Variants in TSEN2 observed in about 807,000 individuals in gnomAD.
The protein encoded by TSEN2 is tRNA-splicing endonuclease subunit Sen2.
Under a neutral mutation model 59.2 loss-of-function variants are expected in TSEN2, and 54 were observed. That is an observed-to-expected ratio of 0.91 (90% CI 0.73 to 1.14). TSEN2 has a LOEUF of 1.14. TSEN2 is among the 50% of genes most tolerant of loss of function. TSEN2 has a pLI of 0.00. For synonymous variants in TSEN2, 195 were observed against 198.2 expected, an observed-to-expected ratio of 0.98 and a Z score of 0.14; for missense variants, 636 against 576.2, an observed-to-expected ratio of 1.10 and a Z score of -1.06.
At chr3:12,531,707 C>A in intron 11 of TSEN2, 48 bp downstream of exon 11, 1 of 1,243,722 alleles carries the variant, frequency 8.0e-7, no homozygotes. Flanking sequence ...TTCTGTGAAT[C>A]ATAGTGTATC....
intron 10 of TSEN2, chr3:12,539,035 A>G (rs111357545): frequency 2.6e-6 from 1 of 378,906 alleles, no homozygotes. Flanking sequence ...GACTCAGAAG[A>G]GCTCCTTTAA....
intron 6 of TSEN2, chr3:12,514,991 T>C (rs939476678): frequency 2.0e-5 from 3 of 152,224 alleles, no homozygotes; most frequent in Non-Finnish European, 4.4e-5. Context: ...TGATTCAGTC[T>C]TGGGCCATCA....
intron 3 of TSEN2, among the ~76,000 whole-genome samples, chr3:12,494,693 G>A (rs932840511): frequency 1.3e-5 from 2 of 149,380 alleles, no homozygotes; most frequent in South Asian, 2.2e-4. Flanking sequence ...GAGCCACTAC[G>A]CCTGACCAAT....
intron 8 of TSEN2, among the ~76,000 whole-genome samples, chr3:12,519,707 T>C (rs760331781): frequency 2.0e-5 from 3 of 151,874 alleles, no homozygotes; most frequent in Non-Finnish European, 4.4e-5. Flanking sequence ...GATCGCGCCA[T>C]TGCACCCCAC....
intron 4 of TSEN2, among the ~76,000 whole-genome samples, chr3:12,498,210 C>T (rs2053945547): frequency 6.6e-6 from 1 of 152,098 alleles, no homozygotes. Flanking sequence ...TGCAAAGACC[C>T]TGTTTCCAGA....
downstream of TSEN2, among the ~76,000 whole-genome samples, chr3:12,538,117 A>G (rs984022207): frequency 1.3e-5 from 2 of 152,240 alleles, no homozygotes; most frequent in Admixed American, 1.3e-4. Context: ...TCGCTATGCC[A>G]TGCATTCTTT....
chr3:12,514,211 A>G (rs2055807818), intron 6 of TSEN2, among the ~76,000 whole-genome samples: 1 of 152,220 alleles, frequency 6.6e-6, no homozygotes, highest in South Asian at 2.1e-4. Flanking sequence ...CTGGAGCAGA[A>G]CATGCCAGAT....
chr3:12,483,649 C>A (rs572849277), upstream of TSEN2, among the ~76,000 whole-genome samples: 2 of 152,352 alleles, frequency 1.3e-5, no homozygotes, highest in South Asian at 4.1e-4. Flanking sequence ...ACATCTAGCA[C>A]CATGAATCTC....
At chr3:12,480,541 T>G (rs1355132965), upstream of TSEN2, among the ~76,000 whole-genome samples, 1 of 144,182 alleles carries the variant, frequency 6.9e-6, no homozygotes, top group Non-Finnish European at 1.5e-5. Context: ...TTTTTTTTTT[T>G]TTTTTTTTTG....
At chr3:12,522,101 A>G (rs762146320) in intron 8 of TSEN2, among the ~76,000 whole-genome samples, 3 of 152,206 alleles carry the variant, frequency 2.0e-5, no homozygotes, top group Non-Finnish European at 2.9e-5. Context: ...TATTGTTATA[A>G]TTGTTCATTT....
At chr3:12,501,597 A>G (rs2054287842) in intron 4 of TSEN2, among the ~76,000 whole-genome samples, 1 of 151,800 alleles carries the variant, frequency 6.6e-6, no homozygotes, top group African/African-American at 2.4e-5. Context: ...CAGTTTGTAA[A>G]CTATGACATA....
At chr3:12,482,559 CT>C (rs2052210169), upstream of TSEN2, among the ~76,000 whole-genome samples, 1 of 145,626 alleles carries the variant, frequency 6.9e-6, no homozygotes, top group South Asian at 2.1e-4. Context: ...GATTTTTTTT[CT>C]TTTTTTAATT....
At chr3:12,496,448 TC>T in intron 3 of TSEN2, 69 bp from the exon 4 acceptor site, 1 of 1,502,976 alleles carries the variant, frequency 6.7e-7, no homozygotes, top group Admixed American at 1.7e-5. Flanking sequence ...TCTCAGTCTT[TC>T]CTAGATTTTT....
Position 12,519,161 on chromosome 3 carries a change from G to T in TSEN2, c.1063G>T (p.Val355Leu), listed in dbSNP as rs368652521. ...AYHYFRSKGW[V>L]PKVGLKYGTD... ...CCATTACTTTCGAAGCAAGGGCTGG[G>T]TGCCCAAAGTGGGACTCAAGTACGG... Residue 355 changes from valine (V) to leucine (L), a missense_variant, in exon 8 of 12, where the codon GTG becomes TTG. Transcript: ENST00000284995. 1.2e-6 allele frequency: 2 copies of T among 1,614,214 alleles called. No homozygotes were observed. Among genetic ancestry groups the T allele is most frequent in the Non-Finnish European group, 1.7e-6 (2 of 1,180,040 alleles).
In TSEN2 at chr3:12,518,890, C is replaced by A. The variant is rs907477459; in HGVS notation, c.961-169C>A. Among the ~76,000 whole-genome samples, 4 of 152,036 alleles carry A rather than the reference C, an allele frequency of 2.6e-5. 1 individual carries two copies. Among genetic ancestry groups the A allele is most frequent in the Admixed American group, 2.6e-4 (4 of 15,258 alleles). ...CGCCACTGCACTCCGGCCTGGGTGA[C>A]AGAGCGAGACTCTGTCTCAAAAATA... On this transcript the variant is annotated intron_variant, in intron 7 of 11. Transcript: ENST00000284995.
At chr3:12,496,904 G>A (rs931700728) in intron 4 of TSEN2, among the ~76,000 whole-genome samples, 2 of 152,130 alleles carry the variant, frequency 1.3e-5, no homozygotes, top group Non-Finnish European at 2.9e-5. Flanking sequence ...CCTTCCTCCA[G>A]CTACACTGTA....
intron 8 of TSEN2, among the ~76,000 whole-genome samples, chr3:12,522,518 C>T (rs1366448641): frequency 1.3e-5 from 2 of 152,266 alleles, no homozygotes; most frequent in Middle Eastern, 3.4e-3. Context: ...ATATGAGGAG[C>T]GGCTTCCTAA....
intron 1 of TSEN2, among the ~76,000 whole-genome samples, chr3:12,485,235 G>C (rs1024672821): frequency 6.6e-6 from 1 of 152,152 alleles, no homozygotes. Context: ...GGTTTGTTTG[G>C]CACCTAGTCC....
At chr3:12,523,505 T>C (rs2056813252) in intron 8 of TSEN2, among the ~76,000 whole-genome samples, 2 of 147,962 alleles carry the variant, frequency 1.4e-5, no homozygotes, top group South Asian at 4.3e-4. Context: ...ATGTGTCTTC[T>C]CCTCATCTTC....
Sources: allele counts gnomAD v4.1 joint callset (sites outside exome capture counted in the v4.1 genomes callset), GRCh38; gene constraint gnomAD v4.1.1; transcripts MANE v1.5; gene names NCBI Gene and HGNC (gene_info 2026-07-23, HGNC 2026-07-21).